HELB: variants seen among roughly 807,000 people sequenced by gnomAD.
HELB encodes the protein DNA helicase B.
In HELB, 96 loss-of-function variants were observed where a neutral mutation model predicts 101.7. The ratio of observed to expected loss-of-function variants is 0.94; its 90% CI spans 0.80 to 1.12. The LOEUF (loss-of-function observed/expected upper bound fraction) is 1.12. Ranked by LOEUF, HELB falls within the 50% of genes most tolerant of loss-of-function variation. The pLI, the probability that HELB is intolerant of heterozygous loss-of-function variation, is 0.00. For synonymous variants in HELB, 437 were observed against 459.7 expected (o/e 0.95, Z 0.63); for missense variants, 1,210 against 1,291.9 (o/e 0.94, Z 0.97).
chr12:66,324,885 A>G lies in HELB; in HGVS notation c.2527-98A>G, dbSNP rs527864354. On this transcript the variant is annotated intron_variant, in intron 10 of 12. Transcript: ENST00000247815. ...ATTCTTAATGGTAATTGTAATTCTTATATTTTATGTTTGACCCAAAGATAG... is the reference window on the plus strand; with the variant it reads ...ATTCTTAATGGTAATTGTAATTCTTGTATTTTATGTTTGACCCAAAGATAG... 1.1e-3 allele frequency: 1,560 copies of G among 1,442,594 alleles called. 25 individuals are homozygous for G. The South Asian group carries it at 0.016, about 15-fold the overall frequency. The allele number at this position is 1,442,594 out of a possible 1,614,324, so 89.4% of individuals were successfully genotyped here.
At chr12:66,311,984 G>T (rs1007228727) in intron 4 of HELB, among the ~76,000 whole-genome samples, 1 of 152,212 alleles carries the variant, frequency 6.6e-6, no homozygotes, top group African/African-American at 2.4e-5. Flanking sequence ...GAATATGATC[G>T]TAGTGTGCCT....
chr12:66,324,832 C>A, intron 10 of HELB, 151 bp from the exon 11 acceptor site: 1 of 868,668 alleles, frequency 1.2e-6, no homozygotes, highest in Non-Finnish European at 1.8e-6. Flanking sequence ...ATTGTTTGTG[C>A]TGAAATGCAA....
chr12:66,314,275 C>T (rs541559214), intron 5 of HELB, 112 bp downstream of exon 5: 60 of 923,626 alleles, frequency 6.5e-5, no homozygotes, highest in South Asian at 6.4e-4. Flanking sequence ...CAAAGCTACA[C>T]GAAGATACCA....
Position 66,331,551 on chromosome 12 carries a change from A to G in HELB, c.3068A>G (p.Asp1023Gly), listed in dbSNP as rs755495288. 6.2e-7 allele frequency: 1 copy of G among 1,613,920 alleles called. No homozygotes were observed. The highest frequency in any genetic ancestry group is 8.5e-7 in the Non-Finnish European group (1 of 1,179,922). Residue 1023 changes from aspartate (D) to glycine (G), a missense_variant, in exon 12 of 13, where the codon GAT becomes GGT. Coordinates refer to ENST00000247815, the MANE Select transcript of HELB (RefSeq NM_001370285.1). Reference sequence around the variant, plus strand: ...GAAAGATGGCAATTATCTTCACCTGATGGAGTAGATACAGATGATGATTTA... The same window carrying G: ...GAAAGATGGCAATTATCTTCACCTGGTGGAGTAGATACAGATGATGATTTA... Reference protein sequence around the residue: ...FAERWQLSSPDGVDTDDDLPK... With the variant: ...FAERWQLSSPGGVDTDDDLPK...
intron 12 of HELB, among the ~76,000 whole-genome samples, chr12:66,332,754 A>G (rs901224528): frequency 2.6e-5 from 4 of 152,232 alleles, no homozygotes; most frequent in Admixed American, 1.3e-4. Context: ...TCAAGGCTTC[A>G]GGTGTCCGTT....
Position 66,309,895 on chromosome 12 carries a change from T to A in HELB, c.967T>A (p.Ser323Thr). Reference sequence around the variant, plus strand: ...AGTGAATGACTTAACTTTGACATTGTCAAATCATATGTCATTTCATGCTGC... The same window carrying A: ...AGTGAATGACTTAACTTTGACATTGACAAATCATATGTCATTTCATGCTGC... ...VEVNDLTLTL[S>T]NHMSFHAASE... The change falls in exon 4 of 13, where the codon TCA becomes ACA. Residue 323 changes from serine (S) to threonine (T), a missense_variant. By Grantham distance (58) the Ser-to-Thr change is moderately conservative. Around this residue, in one of 2 missense-constraint regions of HELB, gnomAD observed 470 missense variants for 563.1 expected, o/e 0.83. Transcript: ENST00000247815. 1 of 1,614,148 alleles carries A rather than the reference T, an allele frequency of 6.2e-7. No individual in the cohort carries two copies. Among genetic ancestry groups the A allele is most frequent in the Non-Finnish European group, 8.5e-7 (1 of 1,179,970 alleles).
intron 6 of HELB, 39 bp from the exon 7 acceptor site, chr12:66,318,599 G>T (rs1286884666): frequency 1.9e-6 from 3 of 1,547,250 alleles, no homozygotes; most frequent in African/African-American, 1.4e-5. Context: ...ATTTTTGGAT[G>T]ATAATGTTCT....
chr12:66,316,567 A>AAATAAT (rs59495617), intron 6 of HELB, among the ~76,000 whole-genome samples: 12,419 of 144,980 alleles, frequency 0.086, 1,207 homozygotes, highest in African/African-American at 0.21. Context: ...TGATAAGCTA[A>AAATAAT]AATAATAATA....
chr12:66,305,614 A>G lies in HELB; in HGVS notation c.607+464A>G, dbSNP rs527772730. ...TTAAAAATTAGCCAGGTGTGGTGATATATACCTGTAGTCCCAGCTACTTGG... is the reference window on the plus strand; with the variant it reads ...TTAAAAATTAGCCAGGTGTGGTGATGTATACCTGTAGTCCCAGCTACTTGG... On this transcript the variant is annotated intron_variant, in intron 2 of 12. Transcript: ENST00000247815. Among the ~76,000 whole-genome samples the G allele has an allele frequency of 5.3e-5, 8 of 151,990 alleles. No individual in the cohort carries two copies. The South Asian group carries it at 8.3e-4, about 16-fold the overall frequency.
chr12:66,303,552 G>T lies in HELB; in HGVS notation c.187+762G>T, dbSNP rs555866343. On this transcript the variant is annotated intron_variant, in intron 1 of 12. Transcript: ENST00000247815. ...GGAGGCCGAGGCAGGAGAATTGCTT[G>T]AACCCAGGAGGTGGGGGTTGCAGTG... 1.8e-4 allele frequency among the ~76,000 whole-genome samples: 27 copies of T among 152,266 alleles called. No homozygotes were observed. The South Asian group carries it at 5.0e-3, about 28-fold the overall frequency.
intron 11 of HELB, among the ~76,000 whole-genome samples, chr12:66,328,851 A>G (rs1394664835): frequency 6.6e-6 from 1 of 152,214 alleles, no homozygotes; most frequent in Non-Finnish European, 1.5e-5. Flanking sequence ...CAGGTATATT[A>G]TTAACATTAA....
chr12:66,317,683 A>G (rs909654416), intron 6 of HELB, among the ~76,000 whole-genome samples: 1 of 152,160 alleles, frequency 6.6e-6, no homozygotes, highest in Non-Finnish European at 1.5e-5. Context: ...TCAAGTATTT[A>G]TTGACTATGA....
chr12:66,342,262 T>C (rs1361747944), downstream of HELB: 2 of 152,240 alleles, frequency 1.3e-5, no homozygotes, highest in African/African-American at 2.4e-5. Flanking sequence ...GAAGAGATTA[T>C]TCTTTCCCCA....
intron 11 of HELB, among the ~76,000 whole-genome samples, chr12:66,326,893 G>A (rs547621082): frequency 1.3e-5 from 2 of 150,744 alleles, no homozygotes; most frequent in South Asian, 4.2e-4. Context: ...AAAGGTAACT[G>A]GGCATGGTGG....
At chr12:66,306,303 G>A (rs2053474345) in intron 2 of HELB, 42 bp from the exon 3 acceptor site, 1 of 1,424,934 alleles carries the variant, frequency 7.0e-7, no homozygotes, top group African/African-American at 1.5e-5. Flanking sequence ...CATTCTTTGG[G>A]TTCATTTATG....
intron 8 of HELB, among the ~76,000 whole-genome samples, 167 bp from the exon 9 acceptor site, chr12:66,322,557 C>T (rs1485700477): frequency 5.2e-5 from 4 of 77,666 alleles, no homozygotes; most frequent in Non-Finnish European, 7.6e-5. Context: ...AAGAGCGAGA[C>T]GCTGTCTCAA....
At chr12:66,336,059 C>T (rs1411616095) in intron 12 of HELB, among the ~76,000 whole-genome samples, 1 of 152,172 alleles carries the variant, frequency 6.6e-6, no homozygotes, top group African/African-American at 2.4e-5. Flanking sequence ...GGTACAATTG[C>T]TGTTCACATG....
Position 66,310,916 on chromosome 12 carries a change from C to T in HELB, c.1680+308C>T, listed in dbSNP as rs573835088. ...CTGCGCTCCAGCCTGGGCAACAGAGCGAGACTCCATCTCAAAAAGCAAACG... is the reference window on the plus strand; with the variant it reads ...CTGCGCTCCAGCCTGGGCAACAGAGTGAGACTCCATCTCAAAAAGCAAACG... On this transcript the variant is annotated intron_variant, in intron 4 of 12. Transcript: ENST00000247815. 4.6e-5 allele frequency among the ~76,000 whole-genome samples: 7 copies of T among 151,620 alleles called. No homozygotes were observed. In the East Asian group the frequency reaches 9.9e-4, roughly 21 times the overall value.
At position 66,309,993 on chromosome 12, in the gene HELB, C is replaced by A. The variant is rs1332243767; in HGVS notation, c.1065C>A (p.Asp355Glu). ...AGAAGTCCTGTGTCTTCCCTTATGA[C>A]CTTTACCATGCTGAAAGAGCCATCG... ...TYEKSCVFPYDLYHAERAIAF... is the reference protein window; with the variant it reads ...TYEKSCVFPYELYHAERAIAF... The change falls in exon 4 of 13, where the codon GAC becomes GAA. Residue 355 changes from aspartate to glutamate, a missense_variant. Asp to Glu is a conservative substitution (Grantham distance 45). Transcript: ENST00000247815. 3 of 1,614,174 alleles carry A rather than the reference C, an allele frequency of 1.9e-6. No individual in the cohort carries two copies. The highest frequency in any genetic ancestry group is 2.5e-6 in the Non-Finnish European group (3 of 1,180,036).
Sources: allele counts gnomAD v4.1 joint callset (sites outside exome capture counted in the v4.1 genomes callset), GRCh38; gene constraint gnomAD v4.1.1; regional missense constraint gnomAD v4.1.1; transcripts MANE v1.5; gene names NCBI Gene and HGNC (gene_info 2026-07-23, HGNC 2026-07-21).